Variants in NEDD9 observed in about 807,000 individuals in gnomAD.
NEDD9 encodes neural precursor cell expressed, developmentally down-regulated 9, also known as enhancer of filamentation 1.
Under a neutral mutation model 76.6 loss-of-function variants are expected in NEDD9, and 26 were observed. The observed-to-expected ratio is 0.34, with a 90% CI of 0.25 to 0.47. NEDD9 has a LOEUF of 0.47. NEDD9 is among the 20% of genes least tolerant of loss of function. The pLI is 1.00. For missense variants in NEDD9, 937 were observed against 1,058.5 expected (o/e 0.89, Z 1.59); for synonymous variants, 392 against 414.2 (o/e 0.95, Z 0.65).
intron 5 of NEDD9, among the ~76,000 whole-genome samples, chr6:11,188,887 A>C (rs572245042): frequency 2.6e-5 from 4 of 152,316 alleles, no homozygotes; most frequent in Non-Finnish European, 4.4e-5. Context: ...ACTCTCAGTC[A>C]AATTAAAAGA....
At position 11,324,214 on chromosome 6, in the gene NEDD9, A is replaced by C. The variant is rs185241347; in HGVS notation, c.-153+10287T>G. 3.2e-3 allele frequency among the ~76,000 whole-genome samples: 489 copies of C among 152,248 alleles called. 2 individuals are homozygous for C. Among genetic ancestry groups the C allele is most frequent in the African/African-American group, 0.011 (465 of 41,532 alleles). Reference sequence around the variant, plus strand: ...CCTGACACTGCCGGCTGAGTGTCTTAGTTAACCAGTAATCTGGCTTTTCTC... The same window carrying C: ...CCTGACACTGCCGGCTGAGTGTCTTCGTTAACCAGTAATCTGGCTTTTCTC... On this transcript the variant is annotated intron_variant, in intron 2 of 3. Transcript: ENST00000397378.
intron 1 of NEDD9, among the ~76,000 whole-genome samples, chr6:11,222,353 TC>T (rs1488111538): frequency 6.6e-6 from 1 of 152,214 alleles, no homozygotes; most frequent in Non-Finnish European, 1.5e-5. Flanking sequence ...ACTTGTGAGG[TC>T]CTCAGAGAGT....
At chr6:11,325,343 G>T (rs1228260208) in intron 2 of NEDD9, among the ~76,000 whole-genome samples, 1 of 147,974 alleles carries the variant, frequency 6.8e-6, no homozygotes, top group African/African-American at 2.5e-5. Context: ...TGACAGAGAG[G>T]GACTCTGTCT....
At chr6:11,319,459 C>T (rs182821462) in intron 2 of NEDD9, among the ~76,000 whole-genome samples, 238 of 151,492 alleles carry the variant, frequency 1.6e-3, no homozygotes, top group African/African-American at 5.5e-3. Flanking sequence ...TACACACACA[C>T]TGGTACACAC....
intron 1 of NEDD9, among the ~76,000 whole-genome samples, chr6:11,377,665 C>T (rs139773230): frequency 6.6e-5 from 10 of 152,302 alleles, no homozygotes; most frequent in Non-Finnish European, 1.0e-4. Context: ...AGATGAGACA[C>T]GACTTTGTAC....
intron 3 of NEDD9, among the ~76,000 whole-genome samples, chr6:11,284,888 A>C (rs1221845054): frequency 6.6e-6 from 1 of 151,884 alleles, no homozygotes; most frequent in Non-Finnish European, 1.5e-5. Context: ...CTAAGTCTTT[A>C]GTGAGCTTAT....
chr6:11,225,733 C>T (rs900408442), intron 1 of NEDD9, among the ~76,000 whole-genome samples: 5 of 151,374 alleles, frequency 3.3e-5, no homozygotes, highest in African/African-American at 7.3e-5. Flanking sequence ...GATCTCCTGA[C>T]CTCGTGATCC....
Position 11,190,907 on chromosome 6 carries a change from C to T in NEDD9, c.962G>A (p.Arg321Gln), listed in dbSNP as rs752432544. The T allele has an allele frequency of 3.7e-5, 60 of 1,613,918 alleles. No homozygotes were observed. In the East Asian group the frequency reaches 4.2e-4, roughly 11 times the overall value. Residue 321 changes from arginine to glutamine, a missense_variant, in exon 5 of 7, where the codon CGA (arginine) becomes CAA (glutamine). Transcript: ENST00000379446. The surrounding 1 kb of genome is among the most constrained non-coding windows in gnomAD (Gnocchi z 5.8). ...TGGTGGCTCAAGAAACTGAACGCCTCGGGGGACATCATATGCGTCGTTCTG... is the reference window on the plus strand; with the variant it reads ...TGGTGGCTCAAGAAACTGAACGCCTTGGGGGACATCATATGCGTCGTTCTG... Reference protein sequence around the residue: ...GSQNDAYDVPRGVQFLEPPAE... With the variant: ...GSQNDAYDVPQGVQFLEPPAE...
intron 1 of NEDD9, among the ~76,000 whole-genome samples, chr6:11,369,815 A>G (rs1762830835): frequency 6.6e-6 from 1 of 152,180 alleles, no homozygotes; most frequent in South Asian, 2.1e-4. Flanking sequence ...CACCAGTAGC[A>G]CAGTATTCCA....
chr6:11,376,033 C>A (rs1318490615), intron 1 of NEDD9, among the ~76,000 whole-genome samples: 1 of 152,176 alleles, frequency 6.6e-6, no homozygotes, highest in Admixed American at 6.5e-5. Context: ...ACTGTGTTAG[C>A]CAGGGTGGTC....
chr6:11,233,685 G>A (rs1226363604), upstream of NEDD9, among the ~76,000 whole-genome samples: 1 of 152,164 alleles, frequency 6.6e-6, no homozygotes, highest in South Asian at 2.1e-4. Flanking sequence ...TTCCATTTTA[G>A]GATTTCTATA....
In NEDD9 at chr6:11,185,061, T is replaced by C; in HGVS notation, c.*101A>G. On this transcript the variant is annotated 3_prime_UTR_variant, in exon 7 of 7. Coordinates refer to ENST00000379446, the MANE Select transcript of NEDD9 (RefSeq NM_006403.4). The stretch of plus-strand genomic sequence containing the variant: ...AATGTTAAAATATTTCATTTTTATA[T>C]AAAATATCTACAAAAATAGATAACA... The C allele has an allele frequency of 1.5e-6, 2 of 1,323,780 alleles. No homozygotes were observed. The highest frequency in any genetic ancestry group is 2.0e-6 in the Non-Finnish European group (2 of 987,572). The allele number at this position is 1,323,780 out of a possible 1,614,324, so 82.0% of individuals were successfully genotyped here. A position where few individuals can be genotyped will look rare whatever the true frequency, so the allele number is the denominator to read the frequency against.
chr6:11,187,174 C>T (rs1371186062), intron 6 of NEDD9, among the ~76,000 whole-genome samples: 2 of 152,092 alleles, frequency 1.3e-5, no homozygotes, highest in East Asian at 1.9e-4. Context: ...AACTGAAGCT[C>T]GGGGAGGTTA....
At chr6:11,314,029 G>C (rs1365243826) in intron 2 of NEDD9, among the ~76,000 whole-genome samples, 7 of 152,142 alleles carry the variant, frequency 4.6e-5, no homozygotes, top group Admixed American at 6.5e-5. Flanking sequence ...TTCTAGTAAA[G>C]GAACTTGTTA....
intron 3 of NEDD9, among the ~76,000 whole-genome samples, chr6:11,244,935 A>G (rs1324697251): frequency 2.0e-5 from 3 of 152,170 alleles, no homozygotes; most frequent in Non-Finnish European, 4.4e-5. Flanking sequence ...CACCTTCCTG[A>G]CTAACCTAGT....
intron 3 of NEDD9, among the ~76,000 whole-genome samples, chr6:11,278,196 C>T (rs568032162): frequency 9.2e-5 from 14 of 152,312 alleles, no homozygotes; most frequent in African/African-American, 3.1e-4. Flanking sequence ...CCACAGTAGC[C>T]TTGAATTGCG....
At chr6:11,265,374 A>AT (rs1419770019) in intron 3 of NEDD9, among the ~76,000 whole-genome samples, 5 of 151,992 alleles carry the variant, frequency 3.3e-5, no homozygotes, top group Non-Finnish European at 5.9e-5. Flanking sequence ...TTAAATTTTC[A>AT]TTTTTTTCTG....
At chr6:11,255,690 A>G (rs1341012350) in intron 3 of NEDD9, among the ~76,000 whole-genome samples, 1 of 152,106 alleles carries the variant, frequency 6.6e-6, no homozygotes, top group Non-Finnish European at 1.5e-5. Context: ...ATGGATCCAC[A>G]TAGCCGCTGG....
intron 1 of NEDD9, chr6:11,214,224 GA>G (rs770636610): frequency 3.9e-6 from 2 of 518,140 alleles, no homozygotes; most frequent in Non-Finnish European, 7.7e-6. Context: ...AAAGCCAATA[GA>G]AGTACACATA....
Sources: gnomAD v4.1 joint callset for allele counts (sites outside exome capture counted in the v4.1 genomes callset) on GRCh38, gnomAD v4.1.1 for gene constraint, Gnocchi (gnomAD v3.1) non-coding constraint, MANE v1.5 for transcripts, NCBI Gene and HGNC (gene_info 2026-07-23, HGNC 2026-07-21) for gene names.